The following AK5 variants were observed in gnomAD, a reference collection of about 807,000 sequenced individuals.
The protein encoded by AK5 is adenylate kinase isoenzyme 5.
In AK5, 27 loss-of-function variants were observed where a neutral mutation model predicts 69.5. The observed-to-expected ratio is 0.39, with a 90% CI of 0.29 to 0.54. AK5 has a LOEUF of 0.54. AK5 is among the 20% of genes least tolerant of loss of function. The pLI, the probability that AK5 is intolerant of heterozygous loss-of-function variation, is 0.71. For missense variants in AK5, 531 were observed against 700.4 expected (o/e 0.76, Z 2.73); for synonymous variants, 260 against 244.4 (o/e 1.06, Z -0.60).
chr1:77,418,425 G>T (rs984249043), intron 8 of AK5, among the ~76,000 whole-genome samples: 1 of 152,154 alleles, frequency 6.6e-6, no homozygotes, highest in African/African-American at 2.4e-5. Flanking sequence ...ATGAGATTTG[G>T]GTGGGGACAC....
At chr1:77,558,319 A>G (rs531593548) in intron 13 of AK5, among the ~76,000 whole-genome samples, 50 of 152,288 alleles carry the variant, frequency 3.3e-4, no homozygotes, top group African/African-American at 1.2e-3. Context: ...CCCACAAGCA[A>G]TGAGTGAGAG....
Position 77,447,494 on chromosome 1 carries a change from C to T in AK5, c.1059+29779C>T, listed in dbSNP as rs1652825198. Among the ~76,000 whole-genome samples, 5 of 152,272 alleles carry T rather than the reference C, an allele frequency of 3.3e-5. No individual in the cohort carries two copies. The South Asian group carries it at 1.0e-3, about 32-fold the overall frequency. On this transcript the variant is annotated intron_variant, in intron 8 of 13. Coordinates refer to ENST00000354567, the MANE Select transcript of AK5 (RefSeq NM_174858.3). ...CATAGAATTATTTATTTCAAAGCAACAGGATATACTCTAGGGTTAGAAAAC... is the reference window on the plus strand; with the variant it reads ...CATAGAATTATTTATTTCAAAGCAATAGGATATACTCTAGGGTTAGAAAAC...
At chr1:77,285,787 A>G (rs1658314105) in intron 1 of AK5, among the ~76,000 whole-genome samples, 1 of 148,038 alleles carries the variant, frequency 6.8e-6, no homozygotes, top group African/African-American at 2.5e-5. Flanking sequence ...TCAAATAGTA[A>G]TTTTTTTTTT....
chr1:77,293,713 G>A, intron 2 of AK5, 80 bp from the exon 3 acceptor site: 1 of 1,223,578 alleles, frequency 8.2e-7, no homozygotes, highest in Non-Finnish European at 1.1e-6. Flanking sequence ...TTTTAAAATT[G>A]CTTTTACTAA....
intron 5 of AK5, among the ~76,000 whole-genome samples, chr1:77,330,473 C>A (rs566934925): frequency 6.6e-6 from 1 of 152,250 alleles, no homozygotes; most frequent in South Asian, 2.1e-4. Flanking sequence ...ATCCACTTTA[C>A]CCAGTACCAT....
chr1:77,349,814 C>T (rs570130214), intron 6 of AK5, among the ~76,000 whole-genome samples: 1 of 152,296 alleles, frequency 6.6e-6, no homozygotes, highest in Admixed American at 6.5e-5. Flanking sequence ...CTCCTTCTTG[C>T]TCAGTCCTAC....
At chr1:77,382,791 A>G (rs1037102195) in intron 6 of AK5, among the ~76,000 whole-genome samples, 1 of 152,228 alleles carries the variant, frequency 6.6e-6, no homozygotes, top group Non-Finnish European at 1.5e-5. Context: ...ACTGTCTAAC[A>G]GATCTTCTAG....
intron 8 of AK5, among the ~76,000 whole-genome samples, chr1:77,455,361 G>A (rs1557605487): frequency 6.6e-6 from 1 of 152,152 alleles, no homozygotes. Flanking sequence ...TATAAAAGAG[G>A]CCCCAGCTTG....
chr1:77,385,373 A>G (rs1294680882), intron 6 of AK5, among the ~76,000 whole-genome samples: 1 of 151,938 alleles, frequency 6.6e-6, no homozygotes, highest in East Asian at 1.9e-4. Context: ...GCTGGCCAGG[A>G]TGGTCTCGAT....
At chr1:77,399,531 G>A (rs1420234190) in intron 6 of AK5, among the ~76,000 whole-genome samples, 2 of 152,198 alleles carry the variant, frequency 1.3e-5, no homozygotes, top group Non-Finnish European at 2.9e-5. Context: ...CAAAGCCCTG[G>A]TTGGGCTGTG....
intron 8 of AK5, among the ~76,000 whole-genome samples, chr1:77,440,859 C>T (rs1422709827): frequency 2.6e-5 from 4 of 152,116 alleles, no homozygotes; most frequent in Non-Finnish European, 4.4e-5. Context: ...TTAAGCTATT[C>T]TTCTGCCTCA....
intron 6 of AK5, among the ~76,000 whole-genome samples, chr1:77,367,589 T>TATATATATATATTA (rs1553139773): frequency 2.3e-5 from 1 of 43,590 alleles, no homozygotes; most frequent in Non-Finnish European, 4.3e-5. Flanking sequence ...AATATATATG[T>TATATATATATATTA]TATATATGTA....
intron 6 of AK5, among the ~76,000 whole-genome samples, chr1:77,368,271 A>ATTATATATAATATATATG (rs1647049543): frequency 1.1e-5 from 1 of 88,296 alleles, no homozygotes; most frequent in African/African-American, 3.7e-5. Flanking sequence ...TGTTATATAT[A>ATTATATATAATATATATG]TGTTATATAT....
At chr1:77,412,867 T>C (rs1252833645) in intron 7 of AK5, among the ~76,000 whole-genome samples, 2 of 152,028 alleles carry the variant, frequency 1.3e-5, no homozygotes, top group African/African-American at 4.8e-5. Context: ...GCCCTCACAC[T>C]CCACACTGAT....
chr1:77,507,719 C>T (rs941183672), intron 10 of AK5, among the ~76,000 whole-genome samples: 11 of 152,122 alleles, frequency 7.2e-5, no homozygotes, highest in African/African-American at 2.4e-5. Flanking sequence ...AGCATTATTA[C>T]GTTGTAAATA....
At chr1:77,413,556 A>G (rs1650188327) in intron 7 of AK5, among the ~76,000 whole-genome samples, 1 of 152,158 alleles carries the variant, frequency 6.6e-6, no homozygotes, top group Non-Finnish European at 1.5e-5. Context: ...TAGCAAAGCC[A>G]TCTGGCTGCG....
At chr1:77,330,741 C>A (rs1031332078) in intron 5 of AK5, among the ~76,000 whole-genome samples, 2 of 152,124 alleles carry the variant, frequency 1.3e-5, no homozygotes, top group African/African-American at 2.4e-5. Context: ...ATTTCTGTAT[C>A]CCTCCCCAGA....
intron 6 of AK5, among the ~76,000 whole-genome samples, chr1:77,358,828 G>A (rs1257137628): frequency 1.5e-5 from 2 of 132,614 alleles, no homozygotes; most frequent in Non-Finnish European, 3.3e-5. Context: ...AAAAAAAAAA[G>A]AGGAAAGAAA....
At chr1:77,491,810 C>T (rs904180773) in intron 10 of AK5, among the ~76,000 whole-genome samples, 1 of 152,168 alleles carries the variant, frequency 6.6e-6, no homozygotes, top group East Asian at 1.9e-4. Context: ...ATTGAATGCT[C>T]CTATCCATCT....
Sources: gnomAD v4.1 joint callset for allele counts (sites outside exome capture counted in the v4.1 genomes callset) on GRCh38, gnomAD v4.1.1 for gene constraint, MANE v1.5 for transcripts, NCBI Gene and HGNC (gene_info 2026-07-23, HGNC 2026-07-21) for gene names.